The following PTPRN2 variants were observed in gnomAD, a reference collection of about 807,000 sequenced individuals.
PTPRN2 encodes receptor-type tyrosine-protein phosphatase N2.
Under a neutral mutation model 118.8 loss-of-function variants are expected in PTPRN2, and 74 were observed. That is an observed-to-expected ratio of 0.62 (90% confidence interval 0.52 to 0.76). The LOEUF (loss-of-function observed/expected upper bound fraction) is 0.76. PTPRN2 is among the 30% of genes least tolerant of loss of function. The probability of loss-of-function intolerance (pLI) is 0.00; values close to 1 mark genes in which losing one functional copy is unlikely to be tolerated. For synonymous variants in PTPRN2, 641 were observed against 608.0 expected (o/e 1.05, Z -0.80); for missense variants, 1,481 against 1,394.4 (o/e 1.06, Z -0.99).
chr7:157,972,290 A>T (rs551380408), intron 11 of PTPRN2, among the ~76,000 whole-genome samples: 56 of 152,362 alleles, frequency 3.7e-4, no homozygotes, highest in African/African-American at 1.3e-3. Context: ...AATGCACATC[A>T]TTCTAAGGAT....
intron 2 of PTPRN2, among the ~76,000 whole-genome samples, chr7:158,415,624 C>A (rs1814595308): frequency 6.6e-6 from 1 of 152,166 alleles, no homozygotes; most frequent in Non-Finnish European, 1.5e-5. Context: ...ATACCACGGG[C>A]CCCGCCTCAG....
At chr7:157,980,788 T>C (rs575317563) in intron 11 of PTPRN2, among the ~76,000 whole-genome samples, 1 of 152,280 alleles carries the variant, frequency 6.6e-6, no homozygotes, top group African/African-American at 2.4e-5. Context: ...TACGTGATTG[T>C]ATTAGCATCA....
At chr7:157,910,567 T>A (rs1231600081) in intron 11 of PTPRN2, among the ~76,000 whole-genome samples, 1 of 152,246 alleles carries the variant, frequency 6.6e-6, no homozygotes, top group Non-Finnish European at 1.5e-5. Context: ...ATCACACACG[T>A]ACACCGTTCT....
chr7:157,771,804 A>AC (rs1802835596), intron 12 of PTPRN2, among the ~76,000 whole-genome samples: 1 of 136,836 alleles, frequency 7.3e-6, no homozygotes, highest in African/African-American at 3.0e-5. Context: ...CACAGACACA[A>AC]ACACACAGAC....
chr7:158,503,400 A>C (rs1302619054), intron 1 of PTPRN2, among the ~76,000 whole-genome samples: 1 of 152,260 alleles, frequency 6.6e-6, no homozygotes, highest in Non-Finnish European at 1.5e-5. Flanking sequence ...TGATGTCTTC[A>C]TCTGACTCAC....
intron 11 of PTPRN2, among the ~76,000 whole-genome samples, chr7:157,926,216 CTCTA>C (rs1280284087): frequency 2.0e-5 from 3 of 152,106 alleles, no homozygotes; most frequent in African/African-American, 7.2e-5. Flanking sequence ...CATTACCTCC[CTCTA>C]TCTATCTACC....
At chr7:158,324,992 G>C (rs1276595755) in intron 2 of PTPRN2, among the ~76,000 whole-genome samples, 2 of 151,692 alleles carry the variant, frequency 1.3e-5, no homozygotes, top group South Asian at 4.1e-4. Flanking sequence ...GCTGAGAAAC[G>C]TCACTCACTG....
rs947793354 is a variant in PTPRN2, at chr7:158,570,410, C to G, written c.112+17148G>C. Reference sequence around the variant, plus strand: ...GCGTCCAACCAGATGAGGACAGAACCGAGCGCCCTCCAGCACCCTCTCCCA... The same window carrying G: ...GCGTCCAACCAGATGAGGACAGAACGGAGCGCCCTCCAGCACCCTCTCCCA... On this transcript the variant is annotated intron_variant, in intron 1 of 22. Transcript: ENST00000389418. The surrounding 1 kb of genome is among the most constrained non-coding windows in gnomAD (Gnocchi z 4.5). Among the ~76,000 whole-genome samples, 1 of 152,188 alleles carries G rather than the reference C, an allele frequency of 6.6e-6. No individual in the cohort carries two copies. Among genetic ancestry groups the G allele is most frequent in the Non-Finnish European group, 1.5e-5 (1 of 68,028 alleles).
chr7:157,813,942 G>A lies in PTPRN2; in HGVS notation c.1788+84731C>T, dbSNP rs1311501963. Among the ~76,000 whole-genome samples, 5 of 152,252 alleles carry A rather than the reference G, an allele frequency of 3.3e-5. No homozygotes were observed. The highest frequency in any genetic ancestry group is 2.1e-4 in the South Asian group (1 of 4,832). Reference sequence around the variant, plus strand: ...CCGGGGACCCCGCCGTGAGAGCCCCGACACAAGTCGCGGTTTGTGGTGCTT... The same window carrying A: ...CCGGGGACCCCGCCGTGAGAGCCCCAACACAAGTCGCGGTTTGTGGTGCTT... On this transcript the variant is annotated intron_variant, in intron 12 of 22. Coordinates refer to ENST00000389418, the MANE Select transcript of PTPRN2 (RefSeq NM_002847.5). The surrounding 1 kb of genome is among the most constrained non-coding windows in gnomAD (Gnocchi z 4.7).
At chr7:157,634,662 C>A (rs1041462952) in intron 14 of PTPRN2, among the ~76,000 whole-genome samples, 1 of 152,132 alleles carries the variant, frequency 6.6e-6, no homozygotes, top group Non-Finnish European at 1.5e-5. Flanking sequence ...ACGACCTCTT[C>A]CAGACCCCCC....
At chr7:157,636,796 T>G (rs891740240) in intron 14 of PTPRN2, among the ~76,000 whole-genome samples, 1 of 152,186 alleles carries the variant, frequency 6.6e-6, no homozygotes, top group Non-Finnish European at 1.5e-5. Flanking sequence ...CTCCCCCAAT[T>G]CTTTTCCCGT....
intron 11 of PTPRN2, among the ~76,000 whole-genome samples, chr7:158,053,347 T>TG (rs564847853): frequency 1.4e-4 from 22 of 152,258 alleles, no homozygotes; most frequent in Non-Finnish European, 2.4e-4. Context: ...AAGGAGGGCC[T>TG]GCAGGCACCA....
intron 3 of PTPRN2, among the ~76,000 whole-genome samples, chr7:158,293,859 G>A (rs1015046844): frequency 6.6e-6 from 1 of 152,114 alleles, no homozygotes; most frequent in Admixed American, 6.5e-5. Context: ...TGTCCCACAG[G>A]AAGGTCTTCA....
rs1160842816 is a variant in PTPRN2 at position 157,903,249 on chromosome 7, CACGTAAGAGGGA to C, written c.1724-4524_1724-4513del. ...CAGCCATAGAGATGGGAACAACAGA[CACGTAAGAGGGA>C]ATGTGAGAGGGAATGTGAGAGGGAG... On this transcript the variant is annotated intron_variant, in intron 11 of 22. Transcript: ENST00000389418. This position sits in a 1 kb window ranked among gnomAD's most constrained non-coding sequence, Gnocchi z 4.2. 2.0e-5 allele frequency among the ~76,000 whole-genome samples: 3 copies of C among 152,110 alleles called. No individual in the cohort carries two copies. Among genetic ancestry groups the C allele is most frequent in the Non-Finnish European group, 2.9e-5 (2 of 67,996 alleles).
intron 15 of PTPRN2, chr7:157,613,971 T>C: frequency 2.1e-6 from 1 of 469,284 alleles, no homozygotes; most frequent in South Asian, 1.6e-5. Context: ...ACTGTGACTC[T>C]GTGAGCTCAC....
Position 158,328,717 on chromosome 7 carries a change from T to C in PTPRN2, c.164-11785A>G, listed in dbSNP as rs532328416. 2.1e-3 allele frequency among the ~76,000 whole-genome samples: 317 copies of C among 150,636 alleles called. 1 individual carries two copies. The highest frequency in any genetic ancestry group is 7.5e-3 in the African/African-American group (307 of 40,814). On this transcript the variant is annotated intron_variant, in intron 2 of 22. Transcript: ENST00000389418. ...GCTTCCCTTGTGAGTGTGAGTGACG[T>C]CTGCAGGTGTCAGGTCTTATGGTGA...
intron 9 of PTPRN2, among the ~76,000 whole-genome samples, chr7:158,113,712 G>A (rs546198200): frequency 2.0e-5 from 3 of 152,294 alleles, no homozygotes; most frequent in East Asian, 1.9e-4. Context: ...ACAGAGAGAC[G>A]CATTGAGGTG....
rs1396106358 is a variant in PTPRN2, at chr7:158,438,452, A to G, written c.163+51283T>C. ...GCTACGGTGTGATGTTTCAACACAT[A>G]TATACATTGTGGAATCATCAAAACA... On this transcript the variant is annotated intron_variant, in intron 2 of 22. Coordinates refer to ENST00000389418, the MANE Select transcript of PTPRN2 (RefSeq NM_002847.5). This position sits in a 1 kb window ranked among gnomAD's most constrained non-coding sequence, Gnocchi z 4.7. Among the ~76,000 whole-genome samples the G allele has an allele frequency of 6.6e-6, 1 of 152,228 alleles. No individual in the cohort carries two copies.
chr7:158,056,086 CT>C (rs1450061933), intron 11 of PTPRN2, among the ~76,000 whole-genome samples: 1 of 152,230 alleles, frequency 6.6e-6, no homozygotes, highest in Non-Finnish European at 1.5e-5. Flanking sequence ...TTCGGAGGCT[CT>C]TGCTCTGCTC....
Sources: allele counts gnomAD v4.1 joint callset (sites outside exome capture counted in the v4.1 genomes callset), GRCh38; gene constraint gnomAD v4.1.1; non-coding constraint Gnocchi (gnomAD v3.1); transcripts MANE v1.5; gene names NCBI Gene and HGNC (gene_info 2026-07-23, HGNC 2026-07-21).